Variants in CCDC73 observed in about 807,000 individuals in gnomAD.
CCDC73 encodes coiled-coil domain containing 73.
In CCDC73, 95 loss-of-function variants were observed where a neutral mutation model predicts 116.5. The ratio of observed to expected loss-of-function variants is 0.82; its 90% CI spans 0.69 to 0.97. CCDC73 has a LOEUF of 0.97. CCDC73 is among the 50% of genes least tolerant of loss of function. The probability of loss-of-function intolerance (pLI) is 0.00; values close to 1 mark genes in which losing one functional copy is unlikely to be tolerated. For missense variants in CCDC73, 1,066 were observed against 1,206.8 expected (o/e 0.88, Z 1.73); for synonymous variants, 398 against 401.3 (o/e 0.99, Z 0.10).
intron 2 of CCDC73, among the ~76,000 whole-genome samples, chr11:32,753,306 T>C (rs908636521): frequency 1.3e-5 from 2 of 151,068 alleles, no homozygotes; most frequent in African/African-American, 2.4e-5. Flanking sequence ...TTTTTTTTTT[T>C]TTTCTTTTTG....
chr11:32,609,804 G>A (rs867882474), intron 17 of CCDC73, among the ~76,000 whole-genome samples: 5 of 152,152 alleles, frequency 3.3e-5, no homozygotes, highest in Admixed American at 6.5e-5. Context: ...TTTTGAGATG[G>A]AGTCTCGCTC....
chr11:32,713,722 GTAAAAATTTTATAGGAAA>G (rs2133327971), intron 3 of CCDC73, among the ~76,000 whole-genome samples: 1 of 152,136 alleles, frequency 6.6e-6, no homozygotes, highest in East Asian at 1.9e-4. Context: ...ATGGAACTTT[GTAAAAATTTTATAGGAAA>G]TTACCCCTCA....
intron 11 of CCDC73, 76 bp from the exon 12 acceptor site, chr11:32,653,303 T>C: frequency 1.1e-6 from 1 of 903,770 alleles, no homozygotes; most frequent in South Asian, 1.6e-5. Flanking sequence ...TCACATACAT[T>C]TTCTAGTTTC....
chr11:32,805,723 AC>A, the CCDC73 span, among the ~76,000 whole-genome samples: 7 of 152,132 alleles, frequency 4.6e-5, no homozygotes, highest in Admixed American at 4.6e-4. Context: ...AGCAAGAGAG[AC>A]CTAGACCAGT....
intron 9 of CCDC73, among the ~76,000 whole-genome samples, chr11:32,668,565 G>A (rs1435474483): frequency 6.6e-6 from 1 of 152,122 alleles, no homozygotes; most frequent in Non-Finnish European, 1.5e-5. Flanking sequence ...CTTGATGAGA[G>A]CAGTCATATC....
intron 3 of CCDC73, among the ~76,000 whole-genome samples, chr11:32,714,937 G>T (rs1254871527): frequency 1.3e-5 from 2 of 152,004 alleles, no homozygotes; most frequent in Non-Finnish European, 2.9e-5. Context: ...TGTAAGTACT[G>T]TCCATGGCTG....
At chr11:32,730,651 T>A (rs1035970898) in intron 2 of CCDC73, among the ~76,000 whole-genome samples, 1 of 152,204 alleles carries the variant, frequency 6.6e-6, no homozygotes, top group Non-Finnish European at 1.5e-5. Context: ...TGTGTATTCA[T>A]CCTACTGGGC....
intron 1 of CCDC73, among the ~76,000 whole-genome samples, chr11:32,791,989 CAT>C (rs761057908): frequency 9.4e-5 from 9 of 95,964 alleles, no homozygotes; most frequent in South Asian, 4.0e-4. Flanking sequence ...CACACACACA[CAT>C]ACACACACAC....
In CCDC73 at chr11:32,639,811, T is replaced by G. The variant is rs1178289290; in HGVS notation, c.1050+2161A>C. Among the ~76,000 whole-genome samples, 4 of 152,330 alleles carry G rather than the reference T, an allele frequency of 2.6e-5. No homozygotes were observed. The East Asian group carries it at 7.7e-4, about 29-fold the overall frequency. Reference sequence around the variant, plus strand: ...TCTGAACATTTTCACTTATTGTTTTTTTGTCTATATAACAACCATTGGTTA... The same window carrying G: ...TCTGAACATTTTCACTTATTGTTTTGTTGTCTATATAACAACCATTGGTTA... On this transcript the variant is annotated intron_variant, in intron 13 of 17. Coordinates refer to ENST00000335185, the MANE Select transcript of CCDC73 (RefSeq NM_001008391.4).
At chr11:32,825,858 C>G in the CCDC73 span, among the ~76,000 whole-genome samples, 1 of 152,128 alleles carries the variant, frequency 6.6e-6, no homozygotes, top group Non-Finnish European at 1.5e-5. Context: ...ATGCCAACAT[C>G]AGTACACAGA....
the CCDC73 span, among the ~76,000 whole-genome samples, chr11:32,799,903 G>A: frequency 6.6e-6 from 1 of 152,170 alleles, no homozygotes; most frequent in African/African-American, 2.4e-5. Context: ...TTTCATTATA[G>A]TTATTTCTTT....
the CCDC73 span, among the ~76,000 whole-genome samples, chr11:32,803,661 G>A: frequency 6.6e-6 from 1 of 152,162 alleles, no homozygotes; most frequent in African/African-American, 2.4e-5. Flanking sequence ...ATCCTAGATA[G>A]TATAATGTGA....
chr11:32,643,286 A>G (rs575065577), intron 12 of CCDC73, among the ~76,000 whole-genome samples: 3 of 152,076 alleles, frequency 2.0e-5, no homozygotes, highest in Admixed American at 1.3e-4. Context: ...GTACCCAGTG[A>G]ATATCTATTT....
chr11:32,699,420 T>A, intron 5 of CCDC73, 95 bp from the exon 6 acceptor site: 1 of 1,257,494 alleles, frequency 8.0e-7, no homozygotes, highest in Non-Finnish European at 1.0e-6. Flanking sequence ...AGTAAAAAAC[T>A]GTATTTCAAT....
rs537696083 is a variant in CCDC73 at position 32,652,833 on chromosome 11, CA to C, written c.939+289del. Among the ~76,000 whole-genome samples the C allele has an allele frequency of 2.0e-3, 297 of 146,376 alleles. 1 individual carries two copies. Among genetic ancestry groups the C allele is most frequent in the African/African-American group, 6.8e-3 (273 of 40,044 alleles). ...TTGGATTGTGACCACAATTCTAAGA[CA>C]AAAAAAAAATCCTATTCATTCTGTT... On this transcript the variant is annotated intron_variant, in intron 12 of 17. Coordinates refer to ENST00000335185, the MANE Select transcript of CCDC73 (RefSeq NM_001008391.4).
intron 2 of CCDC73, among the ~76,000 whole-genome samples, chr11:32,747,663 C>T (rs1052051701): frequency 1.3e-5 from 2 of 152,148 alleles, no homozygotes; most frequent in Non-Finnish European, 2.9e-5. Context: ...ATGGCAGATG[C>T]CCCTCCCCCT....
At chr11:32,830,201 C>G in the CCDC73 span, 11 of 1,068,656 alleles carry the variant, frequency 1.0e-5, no homozygotes, top group Non-Finnish European at 1.2e-5. Flanking sequence ...AGGACCTCGG[C>G]GGGGAGGGGG....
chr11:32,622,462 G>A (rs1002257263), intron 14 of CCDC73, among the ~76,000 whole-genome samples: 6 of 151,978 alleles, frequency 3.9e-5, no homozygotes, highest in African/African-American at 1.5e-4. Context: ...TGAACAATGA[G>A]AACACATGGA....
At chr11:32,777,153 T>TGC in intron 1 of CCDC73, among the ~76,000 whole-genome samples, 1 of 142,566 alleles carries the variant, frequency 7.0e-6, no homozygotes. Flanking sequence ...GGCTGGAGTG[T>TGC]AGTGGTGCAA....
Sources: gnomAD v4.1 joint callset for allele counts (sites outside exome capture counted in the v4.1 genomes callset) on GRCh38, gnomAD v4.1.1 for gene constraint, MANE v1.5 for transcripts, NCBI Gene and HGNC (gene_info 2026-07-23, HGNC 2026-07-21) for gene names.